Variants in ZNF480 observed in about 807,000 individuals in gnomAD.
ZNF480 encodes zinc finger protein 480.
In ZNF480, 15 loss-of-function variants were observed where a neutral mutation model predicts 14.4. The observed-to-expected ratio is 1.04, with a 90% CI of 0.70 to 1.60. The LOEUF (loss-of-function observed/expected upper bound fraction) is 1.60. Among genes scored for constraint, ZNF480 ranks in the 40% most tolerant of loss-of-function variants. The probability of loss-of-function intolerance (pLI) is 0.00; values close to 1 mark genes in which losing one functional copy is unlikely to be tolerated. For synonymous variants in ZNF480, 218 were observed against 215.5 expected (o/e 1.01, Z -0.10); for missense variants, 593 against 629.7 (o/e 0.94, Z 0.62).
intron 2 of ZNF480, among the ~76,000 whole-genome samples, chr19:52,308,189 C>T (rs185789790): frequency 3.3e-5 from 5 of 152,106 alleles, no homozygotes; most frequent in East Asian, 3.9e-4. Context: ...CTGACTTCAC[C>T]GTCACCTCTC....
chr19:52,315,814 A>G lies in ZNF480; in HGVS notation c.200-20A>G. On this transcript the variant is annotated intron_variant, in intron 3 of 4. Coordinates refer to ENST00000595962, the MANE Select transcript of ZNF480 (RefSeq NM_144684.4). ...TTTGGAGATGCTACAGCACATTTTG[A>G]TTTTTTTTTTTACAAACAGGAATCT... 1.6e-6 allele frequency: 2 copies of G among 1,278,098 alleles called. No individual in the cohort carries two copies. Among genetic ancestry groups the G allele is most frequent in the South Asian group, 1.4e-5 (1 of 70,152 alleles). The allele number at this position is 1,278,098 out of a possible 1,614,324, so 79.2% of individuals were successfully genotyped here. A position where few individuals can be genotyped will look rare whatever the true frequency, so the allele number is the denominator to read the frequency against.
At position 52,310,210 on chromosome 19, in the gene ZNF480, C is replaced by A. The variant is rs533535518; in HGVS notation, c.73-3943C>A. On this transcript the variant is annotated intron_variant, in intron 2 of 4. Transcript: ENST00000595962. ...AGCTGAGATTACAGGCACCCACCAC[C>A]ATGCCCAGCTAATTTTTTGTATTTT... 2.2e-3 allele frequency among the ~76,000 whole-genome samples: 332 copies of A among 152,080 alleles called. 3 individuals carry two copies. The highest frequency in any genetic ancestry group is 7.6e-3 in the African/African-American group (316 of 41,478).
At chr19:52,320,696 G>T (rs1031522163) in intron 4 of ZNF480, among the ~76,000 whole-genome samples, 1 of 152,204 alleles carries the variant, frequency 6.6e-6, no homozygotes, top group East Asian at 1.9e-4. Context: ...GGAGGCTGAG[G>T]CAGGATAATT....
At chr19:52,299,060 T>C (rs1982557552) in intron 1 of ZNF480, among the ~76,000 whole-genome samples, 1 of 152,182 alleles carries the variant, frequency 6.6e-6, no homozygotes. Flanking sequence ...GTAAGGCTGG[T>C]GCATTTTATA....
rs574913509 is a variant in ZNF480 at position 52,318,404 on chromosome 19, G to A, written c.328+2442G>A. ...ATTACAGGCATGAGCCACCACATCC[G>A]GCCTATATATATTTTAGATATTAAG... is the stretch of plus-strand genomic sequence containing the variant. On this transcript the variant is annotated intron_variant, in intron 4 of 4. Coordinates refer to ENST00000595962, the MANE Select transcript of ZNF480 (RefSeq NM_144684.4). Among the ~76,000 whole-genome samples, 62 of 152,176 alleles carry A rather than the reference G, an allele frequency of 4.1e-4. No homozygotes were observed. The South Asian group carries it at 0.012, about 31-fold the overall frequency.
chr19:52,320,021 T>C (rs1420682862), intron 4 of ZNF480, among the ~76,000 whole-genome samples: 2 of 152,088 alleles, frequency 1.3e-5, no homozygotes, highest in African/African-American at 4.8e-5. Context: ...TTTCACCATG[T>C]TGGTCAGGCT....
In ZNF480 at chr19:52,313,699, A is replaced by G. The variant is rs1000438241; in HGVS notation, c.73-454A>G. ...TTCTTTTGGAAAAGTATAATAAAACACAATTCACAGGCCAGGGTGGTGGCT... is the reference window on the plus strand; with the variant it reads ...TTCTTTTGGAAAAGTATAATAAAACGCAATTCACAGGCCAGGGTGGTGGCT... On this transcript the variant is annotated intron_variant, in intron 2 of 4. Coordinates refer to ENST00000595962, the MANE Select transcript of ZNF480 (RefSeq NM_144684.4). The G allele has an allele frequency of 2.6e-5, 6 of 227,338 alleles. No individual in the cohort carries two copies. The Admixed American group carries it at 3.1e-4, about 12-fold the overall frequency. 14.1% of individuals were successfully genotyped at this position (227,338 alleles called of 1,614,324 possible). A position where few individuals can be genotyped will look rare whatever the true frequency, so the allele number is the denominator to read the frequency against.
Position 52,323,478 on chromosome 19 carries a change from A to C in ZNF480, c.*620A>C, listed in dbSNP as rs1983945772. 6.6e-6 allele frequency: 1 copy of C among 151,904 alleles called. No individual in the cohort carries two copies. The highest frequency in any genetic ancestry group is 2.4e-5 in the African/African-American group (1 of 41,380). The allele number at this position is 151,904 out of a possible 1,614,324, so 9.4% of individuals were successfully genotyped here. On this transcript the variant is annotated 3_prime_UTR_variant, in exon 5 of 5. Coordinates refer to ENST00000595962, the MANE Select transcript of ZNF480 (RefSeq NM_144684.4). ...AGGCCAGCATCATTCTAATACCAAA[A>C]CCTGACAGGCACAATGAAAAAAGAA...
chr19:52,315,511 G>A (rs1002937773), intron 3 of ZNF480, among the ~76,000 whole-genome samples: 2 of 151,184 alleles, frequency 1.3e-5, no homozygotes, highest in African/African-American at 2.4e-5. Flanking sequence ...AGTAGAGACC[G>A]AGTTTCTCTG....
chr19:52,299,493 A>C (rs1247188486), intron 1 of ZNF480, among the ~76,000 whole-genome samples: 1 of 152,164 alleles, frequency 6.6e-6, no homozygotes. Context: ...CAAACATCTA[A>C]AAATTGAAGA....
In ZNF480 at chr19:52,321,740, G is replaced by T. The variant is rs2122563511; in HGVS notation, c.490G>T (p.Val164Phe). ...VENFINHSSS[V>F]SCLQEMSSSV... The stretch of plus-strand genomic sequence containing the variant: ...AAACTTTATCAACCACAGTTCCTCT[G>T]TTTCCTGTCTTCAAGAAATGTCTTC... The change falls in exon 5 of 5, where the codon GTT becomes TTT. Residue 164 changes from valine (V) to phenylalanine (F), a missense_variant. Physicochemically the swap from Val to Phe is conservative, Grantham distance 50. Transcript: ENST00000595962. 1 of 1,613,960 alleles carries T rather than the reference G, an allele frequency of 6.2e-7. No homozygotes were observed. Among genetic ancestry groups the T allele is most frequent in the Middle Eastern group, 1.6e-4 (1 of 6,062 alleles).
Position 52,322,125 on chromosome 19 carries a change from G to A in ZNF480, c.875G>A (p.Cys292Tyr), listed in dbSNP as rs373543185. 1.4e-5 allele frequency: 22 copies of A among 1,613,998 alleles called. No homozygotes were observed. The highest frequency in any genetic ancestry group is 1.9e-5 in the Non-Finnish European group (22 of 1,180,012). Residue 292 changes from cysteine (C) to tyrosine (Y), a missense_variant, in exon 5 of 5, where the codon TGT (cysteine) becomes TAT (tyrosine). Physicochemically the swap from Cys to Tyr is radical, Grantham distance 194. Coordinates refer to ENST00000595962, the MANE Select transcript of ZNF480 (RefSeq NM_144684.4). ...GAGAAGCCGTATGAATGTAATGAAT[G>A]TGGTAAAGTCTTCAGTAATAATTCT... is the stretch of plus-strand genomic sequence containing the variant. ...TREKPYECNECGKVFSNNSYL... is the reference protein window; with the variant it reads ...TREKPYECNEYGKVFSNNSYL...
intron 4 of ZNF480, among the ~76,000 whole-genome samples, chr19:52,320,850 G>A (rs1568636204): frequency 6.6e-6 from 1 of 152,062 alleles, no homozygotes; most frequent in Non-Finnish European, 1.5e-5. Flanking sequence ...GGTGGTGCAT[G>A]CCTGTAGACC....
chr19:52,319,482 C>A (rs1983705848), intron 4 of ZNF480, among the ~76,000 whole-genome samples: 1 of 152,116 alleles, frequency 6.6e-6, no homozygotes, highest in Non-Finnish European at 1.5e-5. Context: ...TGGCAAATAT[C>A]TTTTTTGTTG....
rs145792129 is a variant in ZNF480, at chr19:52,314,266, C to T, written c.186C>T (p.Asn62=). 4 of 1,559,686 alleles carry T rather than the reference C, an allele frequency of 2.6e-6. No homozygotes were observed. In the South Asian group the frequency reaches 3.3e-5, roughly 13 times the overall value. ...YKDVMLENYR[N]LVSLGISLPD... is the part of the protein sequence containing the mutation. ...ATGTGATGTTGGAGAACTACAGGAA[C>T]CTGGTCTCCCTGGGTGAGGATCATG... Residue 62 remains asparagine (N), a synonymous_variant, in exon 3 of 5, where the codon AAC becomes AAT. Transcript: ENST00000595962.
chr19:52,300,558 TC>T, intron 2 of ZNF480, 74 bp downstream of exon 2: 4 of 1,597,356 alleles, frequency 2.5e-6, no homozygotes, highest in Non-Finnish European at 3.4e-6. Flanking sequence ...TTGGGAGTCT[TC>T]TCTGAGTCTG....
intron 4 of ZNF480, among the ~76,000 whole-genome samples, chr19:52,317,232 C>T (rs770668888): frequency 1.1e-4 from 17 of 151,294 alleles, no homozygotes; most frequent in African/African-American, 3.4e-4. Context: ...TGGCCAGGCT[C>T]GTCTTGAACT....
Position 52,321,728 on chromosome 19 carries a change from C to A in ZNF480, c.478C>A (p.His160Asn). 6.2e-7 allele frequency: 1 copy of A among 1,613,960 alleles called. No homozygotes were observed. Among genetic ancestry groups the A allele is most frequent in the South Asian group, 1.1e-5 (1 of 91,056 alleles). Residue 160 changes from histidine (H) to asparagine (N), a missense_variant, in exon 5 of 5, where the codon CAC becomes AAC. His to Asn is a moderately conservative substitution (Grantham distance 68, BLOSUM62 1). Transcript: ENST00000595962. ...TAATCAAGTTGAAAACTTTATCAAC[C>A]ACAGTTCCTCTGTTTCCTGTCTTCA... is the stretch of plus-strand genomic sequence containing the variant. ...GCNQVENFINHSSSVSCLQEM... is the reference protein window; with the variant it reads ...GCNQVENFINNSSSVSCLQEM...
At chr19:52,314,497 A>AC (rs1983458006) in intron 3 of ZNF480, among the ~76,000 whole-genome samples, 3 of 149,594 alleles carry the variant, frequency 2.0e-5, no homozygotes, top group African/African-American at 7.4e-5. Flanking sequence ...AAAAAAAAAA[A>AC]ACCAAAAAAA....
Sources: gnomAD v4.1 joint callset for allele counts (sites outside exome capture counted in the v4.1 genomes callset) on GRCh38, gnomAD v4.1.1 for gene constraint, MANE v1.5 for transcripts, NCBI Gene and HGNC (gene_info 2026-07-23, HGNC 2026-07-21) for gene names.